Variants in SRI observed in about 807,000 individuals in gnomAD.
SRI encodes sorcin.
A neutral mutation model predicts 33.3 loss-of-function variants in SRI; 30 were observed. The ratio of observed to expected loss-of-function variants is 0.90; its 90% CI spans 0.67 to 1.22. The LOEUF (loss-of-function observed/expected upper bound fraction) is 1.22, where lower values mean the gene tolerates loss of function less well. Among genes scored for constraint, SRI ranks in the 50% most tolerant of loss-of-function variants. SRI has a pLI of 0.00. For missense variants in SRI, 243 were observed against 250.8 expected (o/e 0.97, Z 0.21); for synonymous variants, 75 against 89.9 (o/e 0.83, Z 0.94).
chr7:88,209,501 A>C, intron 5 of SRI, 49 bp from the exon 6 acceptor site: 51 of 1,397,942 alleles, frequency 3.6e-5, no homozygotes, highest in Middle Eastern at 1.8e-4. Context: ...GCAGAAGCTC[A>C]TTAAAAAATA....
rs781526976 is a variant in SRI, at chr7:88,218,928, G to A, written c.66C>T (p.Pro22=). 3.1e-6 allele frequency: 5 copies of A among 1,613,756 alleles called. No homozygotes were observed. The highest frequency in any genetic ancestry group is 2.7e-5 in the African/African-American group (2 of 74,870). The change falls in exon 2 of 8, where the codon CCC becomes CCT. Residue 22 remains proline (P), a synonymous_variant. Transcript: ENST00000265729. ...GYYPGGYGGA[P]GGPAFPGQTQ... ...TTTGTCCGGGAAACGCAGGCCCTCC[G>A]GGAGCCCCTCCATACTGTGAAACAG...
chr7:88,223,467 C>G (rs991046373), upstream of SRI, among the ~76,000 whole-genome samples: 4 of 152,108 alleles, frequency 2.6e-5, no homozygotes, highest in Admixed American at 2.6e-4. Context: ...GTGGGCCATA[C>G]AGTCTCTGTA....
Position 88,217,169 on chromosome 7 carries a change from T to C in SRI, c.158A>G (p.Glu53Gly). ...AGQDGQIDADELQRCLTQSGI... is the reference protein window; with the variant it reads ...AGQDGQIDADGLQRCLTQSGI... ...AGACTGTGTCAGACATCTCTGCAAT[T>C]CATCAGCATCTATCTGCCCATCCTT... The change falls in exon 3 of 8, where the codon GAA becomes GGA. Residue 53 changes from glutamate to glycine, a missense_variant. Transcript: ENST00000265729. The C allele has an allele frequency of 6.2e-7, 1 of 1,612,940 alleles. No homozygotes were observed.
At chr7:88,225,204 A>G (rs1472413500) in intron 1 of SRI, among the ~76,000 whole-genome samples, 1 of 152,200 alleles carries the variant, frequency 6.6e-6, no homozygotes, top group Non-Finnish European at 1.5e-5. Context: ...TCTGAGCTGG[A>G]GTTGATGATC....
intron 3 of SRI, chr7:88,214,771 C>T (rs953693183): frequency 2.3e-6 from 2 of 864,870 alleles, no homozygotes; most frequent in Non-Finnish European, 2.8e-6. Context: ...TAATAATTTC[C>T]AAAGAATCTC....
intron 3 of SRI, chr7:88,216,878 G>T: frequency 1.9e-6 from 1 of 539,732 alleles, no homozygotes; most frequent in Non-Finnish European, 3.3e-6. Flanking sequence ...GGCTTCAAGC[G>T]ATCCTCCTGC....
At position 88,206,412 on chromosome 7, in the gene SRI, A is replaced by G; in HGVS notation, c.*66T>C. ...TAAGTTTATACATATTACCGAAGGC[A>G]AAGAGGACAAGCAAAGGAGAGCTCC... On this transcript the variant is annotated 3_prime_UTR_variant, in exon 8 of 8. Transcript: ENST00000265729. The G allele has an allele frequency of 6.3e-7, 1 of 1,591,392 alleles. No homozygotes were observed. The highest frequency in any genetic ancestry group is 8.6e-7 in the Non-Finnish European group (1 of 1,159,340).
chr7:88,219,542 TTG>T (rs1333251697), intron 1 of SRI: 2 of 124,350 alleles, frequency 1.6e-5, no homozygotes, highest in African/African-American at 3.3e-5. Context: ...CACTCGTTTT[TTG>T]TTTGTTTGTT....
upstream of SRI, among the ~76,000 whole-genome samples, chr7:88,221,663 C>G (rs1851890405): frequency 6.6e-6 from 1 of 152,174 alleles, no homozygotes; most frequent in Admixed American, 6.5e-5. Flanking sequence ...AGACATCTTC[C>G]CACTGCTTTA....
At chr7:88,215,860 A>C (rs1851697240) in intron 3 of SRI, among the ~76,000 whole-genome samples, 2 of 152,274 alleles carry the variant, frequency 1.3e-5, no homozygotes, top group Admixed American at 6.5e-5. Flanking sequence ...CTGGCAAAGA[A>C]GTTGGTAATG....
chr7:88,207,813 A>G (rs564117977), intron 7 of SRI: 2 of 152,554 alleles, frequency 1.3e-5, no homozygotes, highest in Non-Finnish European at 2.9e-5. Flanking sequence ...TAACACAGTG[A>G]AACCCCGTCT....
Position 88,209,470 on chromosome 7 carries a change from C to T in SRI, c.398-18G>A. ...CCTAAATCCTAAAAGAAAAGCCATCCAGTAAAAAGGTTAAAGGATTGCAGA... is the reference window on the plus strand; with the variant it reads ...CCTAAATCCTAAAAGAAAAGCCATCTAGTAAAAAGGTTAAAGGATTGCAGA... On this transcript the variant is annotated intron_variant, in intron 5 of 7. Coordinates refer to ENST00000265729, the MANE Select transcript of SRI (RefSeq NM_003130.4). 6.3e-7 allele frequency: 1 copy of T among 1,595,994 alleles called. No homozygotes were observed. The highest frequency in any genetic ancestry group is 8.6e-7 in the Non-Finnish European group (1 of 1,163,642).
chr7:88,222,311 A>G (rs1295298198), upstream of SRI, among the ~76,000 whole-genome samples: 2 of 148,200 alleles, frequency 1.3e-5, no homozygotes, highest in African/African-American at 5.0e-5. Context: ...CCAACAGTGT[A>G]AAAGTGTTCC....
chr7:88,223,914 A>G (rs558121202), upstream of SRI, among the ~76,000 whole-genome samples: 3 of 152,316 alleles, frequency 2.0e-5, no homozygotes, highest in South Asian at 6.2e-4. Context: ...TAAGTCCTAA[A>G]AAAAAGACTG....
At chr7:88,214,503 A>C (rs1383958779) in intron 3 of SRI, among the ~76,000 whole-genome samples, 1 of 152,132 alleles carries the variant, frequency 6.6e-6, no homozygotes, top group Admixed American at 6.5e-5. Context: ...CAAAAAATAC[A>C]CCATTCTAGA....
Position 88,208,534 on chromosome 7 carries a change from T to C in SRI, c.543A>G (p.Gln181=), listed in dbSNP as rs2115740607. ...DSFRRRDTAQ[Q]GVVNFPYDDF... ...CATCATATGGGAAATTCACAACACCTTGCTGAGCAGTATCCCGTCTTCGAA... is the reference window on the plus strand; with the variant it reads ...CATCATATGGGAAATTCACAACACCCTGCTGAGCAGTATCCCGTCTTCGAA... The change falls in exon 7 of 8, where the codon CAA becomes CAG. Residue 181 remains glutamine (Q), a synonymous_variant. Coordinates refer to ENST00000265729, the MANE Select transcript of SRI (RefSeq NM_003130.4). The C allele has an allele frequency of 6.2e-7, 1 of 1,613,968 alleles. No individual in the cohort carries two copies. Among genetic ancestry groups the C allele is most frequent in the Non-Finnish European group, 8.5e-7 (1 of 1,179,938 alleles).
At chr7:88,223,249 T>C (rs991178522), upstream of SRI, among the ~76,000 whole-genome samples, 1 of 152,172 alleles carries the variant, frequency 6.6e-6, no homozygotes, top group Non-Finnish European at 1.5e-5. Flanking sequence ...ATAATAAAAA[T>C]ATGCCAGATC....
chr7:88,226,627 C>CAT (rs967465281), intron 1 of SRI, among the ~76,000 whole-genome samples: 2 of 152,108 alleles, frequency 1.3e-5, no homozygotes, highest in African/African-American at 4.8e-5. Context: ...TTCCATGAAG[C>CAT]ATATATATAA....
chr7:88,216,934 C>T (rs1451670799), intron 3 of SRI, among the ~76,000 whole-genome samples, 188 bp downstream of exon 3: 1 of 152,194 alleles, frequency 6.6e-6, no homozygotes, highest in Non-Finnish European at 1.5e-5. Context: ...CCACTGTGCC[C>T]AGCCTGGAGT....
Sources: gnomAD v4.1 joint callset for allele counts (sites outside exome capture counted in the v4.1 genomes callset) on GRCh38, gnomAD v4.1.1 for gene constraint, MANE v1.5 for transcripts, NCBI Gene and HGNC (gene_info 2026-07-23, HGNC 2026-07-21) for gene names.